TCF4: variants seen among roughly 807,000 people sequenced by gnomAD.
TCF4 encodes the protein transcription factor 4, also known as SL3-3 enhancer factor 2.
TCF4 carries 3 observed loss-of-function variants against 82.1 expected under a neutral mutation model. The ratio of observed to expected loss-of-function variants is 0.04; its 90% confidence interval spans 0.02 to 0.09. The LOEUF (loss-of-function observed/expected upper bound fraction) is 0.09. Among genes scored for constraint, TCF4 ranks in the 10% least tolerant of loss-of-function variants. The pLI is 1.00. For synonymous variants in TCF4, 276 were observed against 309.6 expected, an observed-to-expected ratio of 0.89 and a Z score of 1.14; for missense variants, 518 against 852.7, an observed-to-expected ratio of 0.61 and a Z score of 4.89.
chr18:55,366,383 T>C (rs2087138704), intron 6 of TCF4, among the ~76,000 whole-genome samples: 1 of 152,246 alleles, frequency 6.6e-6, no homozygotes, highest in Non-Finnish European at 1.5e-5. Flanking sequence ...ATAATCTATA[T>C]ATACATTGCG....
At chr18:55,302,343 G>C in intron 8 of TCF4, 1 of 1,352,308 alleles carries the variant, frequency 7.4e-7, no homozygotes, top group Non-Finnish European at 1.0e-6. Context: ...AGTCAAAGCA[G>C]CACAGTGCAG....
At chr18:55,312,210 T>C (rs2072698488) in intron 8 of TCF4, among the ~76,000 whole-genome samples, 2 of 152,214 alleles carry the variant, frequency 1.3e-5, no homozygotes, top group Admixed American at 1.3e-4. Context: ...GTTAAATAGG[T>C]AATCTATTGA....
chr18:55,241,673 C>A (rs565191468), intron 15 of TCF4, among the ~76,000 whole-genome samples: 1 of 152,160 alleles, frequency 6.6e-6, no homozygotes, highest in East Asian at 1.9e-4. Flanking sequence ...TACCCATTGG[C>A]CTTTATTTCT....
intron 8 of TCF4, among the ~76,000 whole-genome samples, chr18:55,295,411 C>CGG (rs1235750592): frequency 1.2e-4 from 18 of 152,212 alleles, no homozygotes; most frequent in Non-Finnish European, 2.4e-4. Context: ...ACCTTCCTTC[C>CGG]ACACTCACTA....
chr18:55,606,236 G>C (rs1603625323), intron 2 of TCF4, among the ~76,000 whole-genome samples: 1 of 152,104 alleles, frequency 6.6e-6, no homozygotes, highest in East Asian at 2.0e-4. Flanking sequence ...GAGAAGATGA[G>C]AGTAAAATAA....
upstream of TCF4, among the ~76,000 whole-genome samples, chr18:55,593,254 G>A (rs986001806): frequency 4.0e-5 from 6 of 150,680 alleles, no homozygotes; most frequent in Non-Finnish European, 5.9e-5. Context: ...TTCACATTAT[G>A]TCAGATGTAA....
At chr18:55,555,742 C>T (rs1223565458) in intron 3 of TCF4, among the ~76,000 whole-genome samples, 2 of 152,170 alleles carry the variant, frequency 1.3e-5, no homozygotes, top group South Asian at 2.1e-4. Flanking sequence ...TATGTTATAT[C>T]AAATGTCTTT....
chr18:55,262,894 C>T (rs1265905343), intron 11 of TCF4, among the ~76,000 whole-genome samples: 1 of 152,114 alleles, frequency 6.6e-6, no homozygotes, highest in African/African-American at 2.4e-5. Flanking sequence ...GCAACCTCTG[C>T]CTTCCGGGTT....
chr18:55,370,412 AGATAGATAGACAGAT>A (rs2088667189), intron 6 of TCF4, among the ~76,000 whole-genome samples: 1 of 150,164 alleles, frequency 6.7e-6, no homozygotes, highest in Non-Finnish European at 1.5e-5. Context: ...GTAGGTATGT[AGATAGATAGACAGAT>A]GATAGATAGA....
chr18:55,424,722 A>G (rs527490114), intron 5 of TCF4, among the ~76,000 whole-genome samples: 9 of 152,328 alleles, frequency 5.9e-5, no homozygotes, highest in African/African-American at 2.2e-4. Context: ...GAATTATTTA[A>G]TCATGTCTTC....
At chr18:55,452,809 G>C (rs1016147234) in intron 5 of TCF4, 1 of 152,126 alleles carries the variant, frequency 6.6e-6, no homozygotes, top group Admixed American at 6.5e-5. Flanking sequence ...CAGACCTCAC[G>C]CTCCTTCCCA....
At chr18:55,245,961 A>G (rs774355272) in intron 15 of TCF4, among the ~76,000 whole-genome samples, 1 of 152,250 alleles carries the variant, frequency 6.6e-6, no homozygotes, top group Non-Finnish European at 1.5e-5. Flanking sequence ...GAACATATGT[A>G]TATTTTCTAA....
At chr18:55,437,043 T>C (rs999134191) in intron 5 of TCF4, among the ~76,000 whole-genome samples, 1 of 152,252 alleles carries the variant, frequency 6.6e-6, no homozygotes, top group East Asian at 1.9e-4. Context: ...TTTCTTAGCA[T>C]CCTTAGCTAT....
intron 6 of TCF4, among the ~76,000 whole-genome samples, chr18:55,402,787 A>C (rs1262493348): frequency 1.3e-5 from 2 of 152,202 alleles, no homozygotes; most frequent in East Asian, 3.9e-4. Context: ...AAAGTATACA[A>C]ATGCAAAGTG....
intron 3 of TCF4, among the ~76,000 whole-genome samples, chr18:55,544,538 C>A (rs2097189602): frequency 6.6e-6 from 1 of 152,160 alleles, no homozygotes; most frequent in Non-Finnish European, 1.5e-5. Flanking sequence ...TATCCTTTCT[C>A]TTTTGAGGAC....
chr18:55,301,486 T>C (rs1403098109), intron 8 of TCF4, among the ~76,000 whole-genome samples: 2 of 152,182 alleles, frequency 1.3e-5, no homozygotes, highest in Non-Finnish European at 2.9e-5. Context: ...GACCCAATCG[T>C]TCACCGCACA....
intron 5 of TCF4, among the ~76,000 whole-genome samples, chr18:55,456,018 G>C (rs1199326739): frequency 6.6e-6 from 1 of 152,214 alleles, no homozygotes; most frequent in Non-Finnish European, 1.5e-5. Flanking sequence ...CTGCCACTGG[G>C]ATTTGAAAAC....
At chr18:55,338,442 G>A (rs2079109041) in intron 8 of TCF4, among the ~76,000 whole-genome samples, 1 of 152,120 alleles carries the variant, frequency 6.6e-6, no homozygotes. Context: ...AGAGGATTCA[G>A]GCCCTCCAAT....
chr18:55,334,438 T>C (rs1275257450), intron 8 of TCF4, among the ~76,000 whole-genome samples: 1 of 152,068 alleles, frequency 6.6e-6, no homozygotes, highest in Non-Finnish European at 1.5e-5. Context: ...TCCAATTGCA[T>C]AATTCCAAGA....
Sources: gnomAD v4.1 joint callset for allele counts (sites outside exome capture counted in the v4.1 genomes callset) on GRCh38, gnomAD v4.1.1 for gene constraint, MANE v1.5 for transcripts, NCBI Gene and HGNC (gene_info 2026-07-23, HGNC 2026-07-21) for gene names.